The following ADGRF3 variants were observed in gnomAD, a reference collection of about 807,000 sequenced individuals.
The protein encoded by ADGRF3 is G protein-coupled receptor 113.
ADGRF3 carries 85 observed loss-of-function variants against 93.2 expected under a neutral mutation model. The observed-to-expected ratio is 0.91, with a 90% CI of 0.77 to 1.09. The LOEUF (loss-of-function observed/expected upper bound fraction) is 1.09. ADGRF3 is among the 50% of genes least tolerant of loss of function. The pLI is 0.00. For missense variants in ADGRF3, 1,125 were observed against 1,246.2 expected, an observed-to-expected ratio of 0.90 and a Z score of 1.46; for synonymous variants, 534 against 532.5, an observed-to-expected ratio of 1.00 and a Z score of -0.04.
intron 6 of ADGRF3, 27 bp from the exon 7 acceptor site, chr2:26,313,930 G>A: frequency 6.2e-7 from 1 of 1,613,178 alleles, no homozygotes; most frequent in Non-Finnish European, 8.5e-7. Flanking sequence ...GAAGGGAACT[G>A]TCATTGGGCC....
chr2:26,334,992 T>G (rs1300973626), intron 1 of ADGRF3, among the ~76,000 whole-genome samples: 2 of 152,210 alleles, frequency 1.3e-5, no homozygotes, highest in Non-Finnish European at 2.9e-5. Context: ...GCTTTTTTCC[T>G]CCCTCACGAT....
rs201948609 is a variant in ADGRF3, at chr2:26,316,871, A to G, written c.325+41T>C. 9.1e-5 allele frequency: 142 copies of G among 1,564,052 alleles called. No individual in the cohort carries two copies. In the African/African-American group the frequency reaches 1.1e-3, roughly 12 times the overall value. ...CTGGCTGCAGGAGGCCCGGGAGCCT[A>G]TGTTCATTCACTCTCAGCCCCCTTC... On this transcript the variant is annotated intron_variant, in intron 3 of 13. Transcript: ENST00000651242.
chr2:26,313,739 T>G (rs1441282215), intron 7 of ADGRF3, 21 bp downstream of exon 7: 3 of 1,612,866 alleles, frequency 1.9e-6, no homozygotes, highest in Admixed American at 1.7e-5. Flanking sequence ...ACCAGCCCAC[T>G]GGGCCCCAGG....
chr2:26,319,304 G>A (rs1251386936), intron 1 of ADGRF3, among the ~76,000 whole-genome samples: 2 of 152,206 alleles, frequency 1.3e-5, no homozygotes, highest in East Asian at 1.9e-4. Flanking sequence ...CCGAGAGCAG[G>A]AGAGGCTTAG....
intron 1 of ADGRF3, among the ~76,000 whole-genome samples, chr2:26,343,737 C>T (rs150288198): frequency 6.6e-6 from 1 of 152,346 alleles, no homozygotes; most frequent in East Asian, 1.9e-4. Flanking sequence ...GCCACGGCGC[C>T]CGGCCCAAAT....
At chr2:26,325,931 T>TA (rs1225162974) in intron 1 of ADGRF3, among the ~76,000 whole-genome samples, 2 of 152,066 alleles carry the variant, frequency 1.3e-5, no homozygotes, top group Admixed American at 6.6e-5. Context: ...AATGTGAGTA[T>TA]AAAAAATATA....
At chr2:26,318,062 G>T (rs1674857132) in intron 1 of ADGRF3, 1 of 1,551,390 alleles carries the variant, frequency 6.4e-7, no homozygotes, top group Non-Finnish European at 8.7e-7. Context: ...ACATTGTCTG[G>T]CCCTTGGGCC....
chr2:26,318,863 C>T (rs1304634444), intron 1 of ADGRF3: 3 of 1,534,964 alleles, frequency 2.0e-6, no homozygotes, highest in Admixed American at 2.0e-5. Context: ...TCAGCCCTTT[C>T]CCCACTACCT....
intron 1 of ADGRF3, among the ~76,000 whole-genome samples, chr2:26,319,736 A>C (rs1172146652): frequency 6.6e-6 from 1 of 151,206 alleles, no homozygotes; most frequent in Non-Finnish European, 1.5e-5. Context: ...TTTCTTTTAG[A>C]AACAAGGTCT....
intron 9 of ADGRF3, among the ~76,000 whole-genome samples, chr2:26,312,276 T>TG (rs11429559): frequency 0.74 from 112,747 of 151,912 alleles, 41,906 homozygotes; most frequent in African/African-American, 0.8. Flanking sequence ...GCCAACCACC[T>TG]GGGGCATCTT....
rs1285776528 is a variant in ADGRF3, at chr2:26,346,144, C to G, written c.91G>C (p.Ala31Pro). The change falls in exon 1 of 14, where the codon GCA (alanine) becomes CCA (proline). Residue 31 changes from alanine (A) to proline (P), a missense_variant. By Grantham distance (27) the Ala-to-Pro change is conservative. Coordinates refer to ENST00000651242, the MANE Select transcript of ADGRF3 (RefSeq NM_001321971.2). The stretch of plus-strand genomic sequence containing the variant: ...ACCTTCTCGGGCAGCCCAGTCTTTG[C>G]CATCCTTGCCCAGCCGGTGTGGTGC... ...HKHHTGWARM[A>P]KTGLPEKGQS... is the part of the protein sequence containing the mutation. 1.2e-6 allele frequency: 2 copies of G among 1,602,922 alleles called. No homozygotes were observed. The highest frequency in any genetic ancestry group is 1.7e-6 in the Non-Finnish European group (2 of 1,175,502).
chr2:26,317,476 C>A lies in ADGRF3; in HGVS notation c.181+20G>T. 1 of 1,580,710 alleles carries A rather than the reference C, an allele frequency of 6.3e-7. No homozygotes were observed. The highest frequency in any genetic ancestry group is 2.3e-5 in the East Asian group (1 of 42,880). On this transcript the variant is annotated intron_variant, in intron 2 of 13. Transcript: ENST00000651242. ...CTCCCATCTCCTCCCCCTCCCTCCT[C>A]CTCCTGTCCATACACTCACCCCCTG...
rs915994134 is a variant in ADGRF3, at chr2:26,308,267, C to T, written c.*819G>A. 1 of 152,144 alleles carries T rather than the reference C, an allele frequency of 6.6e-6. No individual in the cohort carries two copies. The highest frequency in any genetic ancestry group is 2.4e-5 in the African/African-American group (1 of 41,450). The allele number at this position is 152,144 out of a possible 1,614,324, so 9.4% of individuals were successfully genotyped here. A position where few individuals can be genotyped will look rare whatever the true frequency, so the allele number is the denominator to read the frequency against. On this transcript the variant is annotated 3_prime_UTR_variant, in exon 14 of 14. Coordinates refer to ENST00000651242, the MANE Select transcript of ADGRF3 (RefSeq NM_001321971.2). ...ATTGCATAATTAACAAAGACCGATT[C>T]ATCAGACTTTTTTCACGTATCTAGT... is the stretch of plus-strand genomic sequence containing the variant.
Position 26,314,769 on chromosome 2 carries a change from C to T in ADGRF3, c.719-146G>A, listed in dbSNP as rs1674509397. On this transcript the variant is annotated intron_variant, in intron 5 of 13. Transcript: ENST00000651242. Reference sequence around the variant, plus strand: ...CCCAGCAAGCAAGGTCCCAGGATGGCCCCTTTGGTGGACATTCCCTGTCCC... The same window carrying T: ...CCCAGCAAGCAAGGTCCCAGGATGGTCCCTTTGGTGGACATTCCCTGTCCC... 10 of 675,774 alleles carry T rather than the reference C, an allele frequency of 1.5e-5. No individual in the cohort carries two copies. In the South Asian group the frequency reaches 1.9e-4, roughly 13 times the overall value. 41.9% of individuals were successfully genotyped at this position (675,774 alleles called of 1,614,324 possible).
intron 1 of ADGRF3, among the ~76,000 whole-genome samples, chr2:26,337,899 T>C (rs1225426108): frequency 6.6e-6 from 1 of 152,076 alleles, no homozygotes; most frequent in African/African-American, 2.4e-5. Context: ...GGCACATGCA[T>C]GTAATCCCAG....
In ADGRF3 at chr2:26,334,288, CA is replaced by C. The variant is rs34910544; in HGVS notation, c.114+11832del. Reference sequence around the variant, plus strand: ...TAGGCAAGACAGCAAGCTATCATCTCAAAAAAAAAAAAAAAAAGTAAATTTA... The same window carrying C: ...TAGGCAAGACAGCAAGCTATCATCTCAAAAAAAAAAAAAAAAGTAAATTTA... On this transcript the variant is annotated intron_variant, in intron 1 of 13. Transcript: ENST00000651242. 2.6e-3 allele frequency among the ~76,000 whole-genome samples: 290 copies of C among 110,436 alleles called. 2 individuals carry two copies. The highest frequency in any genetic ancestry group is 0.021 in the South Asian group (69 of 3,362). The allele number at this position is 110,436 out of a possible 152,430, so 72.5% of individuals were successfully genotyped here.
Position 26,308,511 on chromosome 2 carries a change from T to G in ADGRF3, c.*575A>C, listed in dbSNP as rs1184044827. 1 of 152,436 alleles carries G rather than the reference T, an allele frequency of 6.6e-6. No homozygotes were observed. Among genetic ancestry groups the G allele is most frequent in the Non-Finnish European group, 1.5e-5 (1 of 68,238 alleles). The allele number at this position is 152,436 out of a possible 1,614,324, so 9.4% of individuals were successfully genotyped here. On this transcript the variant is annotated 3_prime_UTR_variant, in exon 14 of 14. Coordinates refer to ENST00000651242, the MANE Select transcript of ADGRF3 (RefSeq NM_001321971.2). Reference sequence around the variant, plus strand: ...ATCAATCAATGCCTCTATACATGGATATGGTTAAGAAACTTACATTTTATA... The same window carrying G: ...ATCAATCAATGCCTCTATACATGGAGATGGTTAAGAAACTTACATTTTATA...
At chr2:26,339,084 C>T (rs1343555920) in intron 1 of ADGRF3, among the ~76,000 whole-genome samples, 22 of 126,876 alleles carry the variant, frequency 1.7e-4, no homozygotes, top group Non-Finnish European at 2.8e-4. Flanking sequence ...CACTGCACTC[C>T]AGCCTGGGCA....
At chr2:26,319,622 T>C (rs1014147934) in intron 1 of ADGRF3, among the ~76,000 whole-genome samples, 143 of 118,386 alleles carry the variant, frequency 1.2e-3, no homozygotes, top group Non-Finnish European at 2.1e-3. Flanking sequence ...TTCCTTTCTT[T>C]CTTTGTTTCT....
Sources: allele counts gnomAD v4.1 joint callset (sites outside exome capture counted in the v4.1 genomes callset), GRCh38; gene constraint gnomAD v4.1.1; transcripts MANE v1.5; gene names NCBI Gene and HGNC (gene_info 2026-07-23, HGNC 2026-07-21).